Variants in SSBP2 observed in about 807,000 individuals in gnomAD.
SSBP2 encodes single-stranded DNA-binding protein 2.
Under a neutral mutation model 61.8 loss-of-function variants are expected in SSBP2, and 17 were observed. The ratio of observed to expected loss-of-function variants is 0.28; its 90% CI spans 0.19 to 0.41. The LOEUF (loss-of-function observed/expected upper bound fraction) is 0.41. Ranked by LOEUF, SSBP2 falls within the 10% of genes least tolerant of loss-of-function variation. SSBP2 has a pLI of 1.00. For synonymous variants in SSBP2, 139 were observed against 141.3 expected (o/e 0.98, Z 0.12); for missense variants, 310 against 458.7 (o/e 0.68, Z 2.96).
chr5:81,554,320 A>C (rs1426159611), intron 4 of SSBP2, among the ~76,000 whole-genome samples: 1 of 151,980 alleles, frequency 6.6e-6, no homozygotes, highest in Admixed American at 6.6e-5. Context: ...TCTTGTAAAT[A>C]TGCCTATTAC....
intron 2 of SSBP2, among the ~76,000 whole-genome samples, chr5:81,645,966 G>A (rs1223572644): frequency 6.6e-6 from 1 of 152,136 alleles, no homozygotes; most frequent in East Asian, 1.9e-4. Context: ...AAAATGACTG[G>A]GTTAATAATA....
At chr5:81,579,650 C>T (rs949408163) in intron 4 of SSBP2, among the ~76,000 whole-genome samples, 19 of 152,182 alleles carry the variant, frequency 1.2e-4, no homozygotes, top group Non-Finnish European at 2.4e-4. Context: ...ACGGTTTCTA[C>T]TGAATAATTT....
chr5:81,609,107 C>T (rs967710564), intron 4 of SSBP2, among the ~76,000 whole-genome samples: 16 of 152,136 alleles, frequency 1.1e-4, no homozygotes, highest in African/African-American at 3.4e-4. Flanking sequence ...TTCCTAGGCA[C>T]GATCTATGGC....
At chr5:81,465,205 A>C (rs976828066) in intron 9 of SSBP2, among the ~76,000 whole-genome samples, 2 of 152,046 alleles carry the variant, frequency 1.3e-5, no homozygotes, top group South Asian at 4.1e-4. Flanking sequence ...TGTAAGGCTT[A>C]AAGGTTCTTT....
chr5:81,486,799 G>A (rs1766418806), intron 6 of SSBP2, among the ~76,000 whole-genome samples: 3 of 152,120 alleles, frequency 2.0e-5, no homozygotes, highest in Admixed American at 1.3e-4. Flanking sequence ...TTCAGATTTG[G>A]TCTATAGGAG....
In SSBP2 at chr5:81,554,289, G is replaced by A. The variant is rs114335134; in HGVS notation, c.283-40572C>T. Among the ~76,000 whole-genome samples, 1,333 of 151,852 alleles carry A rather than the reference G, an allele frequency of 8.8e-3. 29 individuals are homozygous for A. The highest frequency in any genetic ancestry group is 0.031 in the African/African-American group (1,271 of 41,454). On this transcript the variant is annotated intron_variant, in intron 4 of 16. Coordinates refer to ENST00000320672, the MANE Select transcript of SSBP2 (RefSeq NM_012446.5). ...TCCTTAAAAAATTCTGTAACATAAT[G>A]GATTTAATTAACATGAAATTTCTTG... is the stretch of plus-strand genomic sequence containing the variant.
intron 4 of SSBP2, among the ~76,000 whole-genome samples, chr5:81,529,872 C>A (rs560376539): frequency 1.3e-5 from 2 of 152,112 alleles, no homozygotes; most frequent in Admixed American, 1.3e-4. Flanking sequence ...ATTATTACAT[C>A]TTTCCAAGAC....
At chr5:81,601,416 C>T (rs1428800303) in intron 4 of SSBP2, among the ~76,000 whole-genome samples, 1 of 152,026 alleles carries the variant, frequency 6.6e-6, no homozygotes, top group Non-Finnish European at 1.5e-5. Context: ...ATAAAAATCA[C>T]ACAAAACTAA....
At chr5:81,518,892 T>C (rs1769247056) in intron 4 of SSBP2, among the ~76,000 whole-genome samples, 1 of 152,182 alleles carries the variant, frequency 6.6e-6, no homozygotes, top group South Asian at 2.1e-4. Flanking sequence ...GGAAGCATGA[T>C]ATAAGTAATC....
intron 16 of SSBP2, among the ~76,000 whole-genome samples, chr5:81,423,316 TTTAA>T: frequency 6.6e-6 from 1 of 152,360 alleles, no homozygotes; most frequent in East Asian, 1.9e-4. Context: ...CGTATGTAAT[TTTAA>T]TTAATAGGGC....
rs114064875 is a variant in SSBP2 at position 81,529,969 on chromosome 5, C to G, written c.283-16252G>C. ...AAGGGAAAATTGAAGGCAGAGAAAC[C>G]AGCATTTAAAATGATGCAGACTGCC... On this transcript the variant is annotated intron_variant, in intron 4 of 16. Transcript: ENST00000320672. Among the ~76,000 whole-genome samples the G allele has an allele frequency of 1.6e-3, 240 of 152,012 alleles. 1 individual carries two copies. Among genetic ancestry groups the G allele is most frequent in the African/African-American group, 5.6e-3 (232 of 41,498 alleles).
intron 4 of SSBP2, among the ~76,000 whole-genome samples, chr5:81,536,116 A>T (rs974793427): frequency 3.3e-5 from 5 of 152,206 alleles, no homozygotes; most frequent in African/African-American, 1.2e-4. Context: ...TACAGATGGC[A>T]AATGAGCATA....
chr5:81,423,525 A>C (rs1761744603), intron 16 of SSBP2, among the ~76,000 whole-genome samples: 1 of 152,022 alleles, frequency 6.6e-6, no homozygotes, highest in Non-Finnish European at 1.5e-5. Context: ...CGGGTGGATC[A>C]CGAGGTCAGG....
intron 5 of SSBP2, among the ~76,000 whole-genome samples, chr5:81,491,990 G>A (rs987864276): frequency 1.3e-4 from 20 of 152,128 alleles, no homozygotes; most frequent in African/African-American, 1.9e-4. Context: ...ATCTAAAAGC[G>A]TTTGCATACT....
At chr5:81,568,820 G>C (rs1436385158) in intron 4 of SSBP2, among the ~76,000 whole-genome samples, 3 of 152,148 alleles carry the variant, frequency 2.0e-5, no homozygotes, top group Non-Finnish European at 4.4e-5. Context: ...TTGTGTAAAT[G>C]ATCATGAGAT....
At chr5:81,433,258 T>C (rs1448218850) in intron 15 of SSBP2, among the ~76,000 whole-genome samples, 3 of 152,122 alleles carry the variant, frequency 2.0e-5, no homozygotes, top group South Asian at 2.1e-4. Context: ...TTTTGTTCTA[T>C]ACTAAGAAAA....
intron 16 of SSBP2, among the ~76,000 whole-genome samples, chr5:81,426,684 C>T (rs1296591765): frequency 6.6e-6 from 1 of 152,220 alleles, no homozygotes; most frequent in Non-Finnish European, 1.5e-5. Flanking sequence ...AAGTTCTCCA[C>T]ATCCTGGCAT....
In SSBP2 at chr5:81,664,296, T is replaced by C. The variant is rs571922407; in HGVS notation, c.63-13957A>G. 6.7e-4 allele frequency among the ~76,000 whole-genome samples: 102 copies of C among 151,778 alleles called. 2 individuals are homozygous for C. Among genetic ancestry groups the C allele is most frequent in the African/African-American group, 2.3e-3 (95 of 41,418 alleles). ...TGCCACCATGCCCGGCTAATTTTTT[T>C]TTTTTGTATTTTTAGTAGAGATGGG... On this transcript the variant is annotated intron_variant, in intron 1 of 16. Coordinates refer to ENST00000320672, the MANE Select transcript of SSBP2 (RefSeq NM_012446.5).
intron 1 of SSBP2, among the ~76,000 whole-genome samples, chr5:81,709,451 A>G (rs1302437932): frequency 1.3e-5 from 2 of 151,868 alleles, no homozygotes; most frequent in South Asian, 2.1e-4. Flanking sequence ...CATCTTCTCT[A>G]CCTATATGCA....
Sources: gnomAD v4.1 joint callset for allele counts (sites outside exome capture counted in the v4.1 genomes callset) on GRCh38, gnomAD v4.1.1 for gene constraint, MANE v1.5 for transcripts, NCBI Gene and HGNC (gene_info 2026-07-23, HGNC 2026-07-21) for gene names.